Variants in RP1 observed in about 807,000 individuals in gnomAD.
RP1 encodes the protein oxygen-regulated protein 1.
Under a neutral mutation model 14.8 loss-of-function variants are expected in RP1, and 16 were observed. That is an observed-to-expected ratio of 1.08 (90% confidence interval 0.73 to 1.65). The LOEUF is 1.65. RP1 is among the 40% of genes most tolerant of loss of function. RP1 has a pLI of 0.00. For synonymous variants in RP1, 876 were observed against 883.6 expected (o/e 0.99, Z 0.15); for missense variants, 2,631 against 2,535.0 (o/e 1.04, Z -0.81).
intron 24 of RP1, among the ~76,000 whole-genome samples, chr8:54,836,250 G>T (rs1796959633): frequency 6.6e-6 from 1 of 152,184 alleles, no homozygotes. Flanking sequence ...TAGGGCAGAT[G>T]AAATATCAGA....
Position 54,654,034 on chromosome 8 carries a change from C to G in RP1, c.1038+1168C>G, listed in dbSNP as rs754265757. Among the ~76,000 whole-genome samples, 3 of 152,240 alleles carry G rather than the reference C, an allele frequency of 2.0e-5. No homozygotes were observed. The South Asian group carries it at 6.2e-4, about 32-fold the overall frequency. ...CTGAAAATTTCTATTGTCTTTCTCT[C>G]TATGGCAAGTATTCTCTCACTGCAA... On this transcript the variant is annotated intron_variant, in intron 5 of 22. Transcript: ENST00000636932.
chr8:54,670,753 CA>C (rs1245436400), intron 7 of RP1, among the ~76,000 whole-genome samples: 2 of 131,540 alleles, frequency 1.5e-5, no homozygotes, highest in African/African-American at 5.8e-5. Context: ...TTATATAGTA[CA>C]TTTTTTTGTC....
At chr8:54,772,210 G>A (rs1339285676), downstream of RP1, among the ~76,000 whole-genome samples, 1 of 151,962 alleles carries the variant, frequency 6.6e-6, no homozygotes, top group Non-Finnish European at 1.5e-5. Context: ...ACATTACTCA[G>A]TTAGACTGAA....
chr8:54,776,546 G>A (rs1397265169), intron 23 of RP1, among the ~76,000 whole-genome samples: 1 of 152,180 alleles, frequency 6.6e-6, no homozygotes, highest in Non-Finnish European at 1.5e-5. Flanking sequence ...GGGCATCCTG[G>A]AACTAATCTC....
At chr8:54,612,378 G>T (rs938880184), upstream of RP1, among the ~76,000 whole-genome samples, 3 of 152,328 alleles carry the variant, frequency 2.0e-5, no homozygotes, top group African/African-American at 7.2e-5. Flanking sequence ...GGGGGATGAG[G>T]AATGAGTAGT....
At chr8:54,695,792 G>A (rs139047965) in intron 12 of RP1, among the ~76,000 whole-genome samples, 1 of 152,180 alleles carries the variant, frequency 6.6e-6, no homozygotes, top group African/African-American at 2.4e-5. Context: ...CCTAGTTCTT[G>A]TTTCTTTCCT....
intron 19 of RP1, among the ~76,000 whole-genome samples, chr8:54,747,846 G>T (rs1809265917): frequency 6.6e-6 from 1 of 152,342 alleles, no homozygotes; most frequent in South Asian, 2.1e-4. Context: ...AGCCTGGAGA[G>T]TCTTGGAGGT....
At chr8:54,692,215 G>A (rs372236689) in intron 12 of RP1, among the ~76,000 whole-genome samples, 81 of 150,828 alleles carry the variant, frequency 5.4e-4, no homozygotes, top group East Asian at 1.2e-3. Flanking sequence ...CCAGTCTATC[G>A]TTGTTGGACA....
intron 7 of RP1, among the ~76,000 whole-genome samples, chr8:54,664,106 A>G (rs1459809372): frequency 6.6e-6 from 1 of 152,080 alleles, no homozygotes; most frequent in Non-Finnish European, 1.5e-5. Flanking sequence ...CTGTGCATTT[A>G]CTTCAGATAC....
At chr8:54,842,281 C>T (rs16920828) in intron 25 of RP1, among the ~76,000 whole-genome samples, 3,012 of 152,240 alleles carry the variant, frequency 0.02, 191 homozygotes, top group East Asian at 0.17. Context: ...GGCAAGTGGC[C>T]AGGTTTTCTG....
intron 1 of RP1, among the ~76,000 whole-genome samples, chr8:54,605,940 CAT>C (rs1563323693): frequency 2.7e-5 from 4 of 149,328 alleles, no homozygotes; most frequent in Non-Finnish European, 3.0e-5. Flanking sequence ...TGTCTCTGCA[CAT>C]GATGAGATGG....
At chr8:54,720,304 A>G in exon 16 of RP1, 2 of 1,534,386 alleles carry the variant, frequency 1.3e-6, no homozygotes, top group East Asian at 4.9e-5. Flanking sequence ...CAAGTCATCC[A>G]ATGTATGTTT....
At chr8:54,633,911 G>C (rs894079515), downstream of RP1, among the ~76,000 whole-genome samples, 1 of 152,122 alleles carries the variant, frequency 6.6e-6, no homozygotes, top group Admixed American at 6.5e-5. Flanking sequence ...ATGGGTAACA[G>C]TACCTTTAAT....
At chr8:54,807,106 T>A (rs910639163) in intron 24 of RP1, among the ~76,000 whole-genome samples, 18 of 152,286 alleles carry the variant, frequency 1.2e-4, no homozygotes, top group Admixed American at 7.2e-4. Context: ...ACTTGTGTCA[T>A]ATAATTAAAT....
intron 24 of RP1, among the ~76,000 whole-genome samples, chr8:54,822,207 A>G (rs1055765790): frequency 6.6e-6 from 1 of 152,222 alleles, no homozygotes; most frequent in Non-Finnish European, 1.5e-5. Context: ...AATAAATGAG[A>G]TTCCTGTAAA....
intron 16 of RP1, among the ~76,000 whole-genome samples, chr8:54,726,016 A>G (rs1808646086): frequency 6.6e-6 from 1 of 152,182 alleles, no homozygotes; most frequent in Non-Finnish European, 1.5e-5. Flanking sequence ...AGGAAGGCAA[A>G]GAACAAGATT....
intron 25 of RP1, among the ~76,000 whole-genome samples, chr8:54,851,445 T>C (rs957992707): frequency 2.0e-5 from 3 of 152,240 alleles, no homozygotes; most frequent in African/African-American, 7.2e-5. Flanking sequence ...GGTTTCTCTA[T>C]GTGAAGATGT....
exon 19 of RP1, chr8:54,738,946 G>A (rs1393666390): frequency 6.8e-7 from 1 of 1,473,210 alleles, no homozygotes; most frequent in Non-Finnish European, 9.0e-7. Flanking sequence ...CATTCAGGTT[G>A]AAATAAGAAA....
At chr8:54,640,441 A>G (rs1261675162) in intron 3 of RP1, among the ~76,000 whole-genome samples, 1 of 152,168 alleles carries the variant, frequency 6.6e-6, no homozygotes, top group Non-Finnish European at 1.5e-5. Flanking sequence ...GCTTTGACCA[A>G]TCTAGGTTCT....
Sources: gnomAD v4.1 joint callset for allele counts (sites outside exome capture counted in the v4.1 genomes callset) on GRCh38, gnomAD v4.1.1 for gene constraint, MANE v1.5 for transcripts, NCBI Gene and HGNC (gene_info 2026-07-23, HGNC 2026-07-21) for gene names.